The following ACOT7 variants were observed in gnomAD, a reference collection of about 807,000 sequenced individuals.
ACOT7 encodes the protein acyl-CoA thioesterase 7.
Under a neutral mutation model 40.2 loss-of-function variants are expected in ACOT7, and 12 were observed. The observed-to-expected ratio is 0.30, with a 90% CI of 0.19 to 0.48. The LOEUF (loss-of-function observed/expected upper bound fraction) is 0.48, where lower values mean the gene tolerates loss of function less well. Ranked by LOEUF, ACOT7 falls within the 20% of genes least tolerant of loss-of-function variation. The pLI is 0.99. For synonymous variants in ACOT7, 228 were observed against 219.5 expected (o/e 1.04, Z -0.34); for missense variants, 395 against 530.8 (o/e 0.74, Z 2.51).
intron 7 of ACOT7, among the ~76,000 whole-genome samples, chr1:6,283,925 G>A (rs1639426339): frequency 1.3e-5 from 2 of 152,192 alleles, no homozygotes; most frequent in African/African-American, 4.8e-5. Context: ...AGCCCAGGAG[G>A]TCGAGGTTGC....
chr1:6,382,046 G>T lies in ACOT7; in HGVS notation c.143+11211C>A, dbSNP rs528263352. ...CCAGCTACTCAGGAGGCTGAGGCAG[G>T]AGAATGGCATGAACCCGGGAGGCGG... is the stretch of plus-strand genomic sequence containing the variant. On this transcript the variant is annotated intron_variant, in intron 1 of 8. Coordinates refer to ENST00000361521, the MANE Select transcript of ACOT7 (RefSeq NM_007274.4). Among the ~76,000 whole-genome samples, 83 of 150,794 alleles carry T rather than the reference G, an allele frequency of 5.5e-4. 2 individuals carry two copies. The highest frequency in any genetic ancestry group is 1.8e-3 in the African/African-American group (73 of 41,070).
chr1:6,293,937 T>C (rs1202113530), intron 7 of ACOT7, among the ~76,000 whole-genome samples: 2 of 152,214 alleles, frequency 1.3e-5, no homozygotes, highest in African/African-American at 4.8e-5. Flanking sequence ...AAGGCTGGGC[T>C]ACCCGGGGCC....
chr1:6,331,696 C>G (rs1187767827), intron 4 of ACOT7, among the ~76,000 whole-genome samples: 1 of 152,208 alleles, frequency 6.6e-6, no homozygotes, highest in African/African-American at 2.4e-5. Context: ...GGTGCAGCCA[C>G]CAGCCTGCCC....
intron 5 of ACOT7, among the ~76,000 whole-genome samples, chr1:6,321,026 C>T (rs1414853443): frequency 6.6e-6 from 1 of 152,198 alleles, no homozygotes; most frequent in Non-Finnish European, 1.5e-5. Flanking sequence ...TACCCAGGAG[C>T]CCCTGGCCCA....
chr1:6,326,754 C>T (rs764918868), intron 5 of ACOT7, among the ~76,000 whole-genome samples: 4 of 151,884 alleles, frequency 2.6e-5, no homozygotes, highest in Non-Finnish European at 5.9e-5. Context: ...GGTGAAACCC[C>T]ATCTCTACTA....
intron 7 of ACOT7, among the ~76,000 whole-genome samples, chr1:6,285,851 T>G (rs937500840): frequency 1.3e-5 from 2 of 152,130 alleles, no homozygotes; most frequent in Non-Finnish European, 2.9e-5. Flanking sequence ...CCGCCAGGCA[T>G]GAGAAGGGCA....
At position 6,306,969 on chromosome 1, in the gene ACOT7, C is replaced by G; in HGVS notation, c.712+11523G>C. On this transcript the variant is annotated intron_variant, in intron 6 of 8. Transcript: ENST00000361521. The surrounding 1 kb of genome is among the most constrained non-coding windows in gnomAD (Gnocchi z 4.3). ...TCTTGGTGGAGGCCTCACTTGCGTC[C>G]CCTCCCATGTTTTCTCTGCCTTCCC... is the stretch of plus-strand genomic sequence containing the variant. 1.6e-6 allele frequency: 2 copies of G among 1,251,792 alleles called. No individual in the cohort carries two copies. The highest frequency in any genetic ancestry group is 2.1e-6 in the Non-Finnish European group (2 of 955,760). 77.5% of individuals were successfully genotyped at this position (1,251,792 alleles called of 1,614,324 possible).
intron 5 of ACOT7, among the ~76,000 whole-genome samples, chr1:6,320,396 C>T (rs1640612082): frequency 6.6e-6 from 1 of 152,194 alleles, no homozygotes; most frequent in Non-Finnish European, 1.5e-5. Context: ...CCCTGAAACC[C>T]TAGTGGGTCA....
intron 8 of ACOT7, among the ~76,000 whole-genome samples, chr1:6,280,050 C>T (rs1488386776): frequency 2.6e-5 from 4 of 152,238 alleles, no homozygotes; most frequent in African/African-American, 7.2e-5. Context: ...GGGGAGCAGA[C>T]GCCGCGGGGG....
At chr1:6,353,799 C>A in intron 1 of ACOT7, among the ~76,000 whole-genome samples, 1 of 152,300 alleles carries the variant, frequency 6.6e-6, no homozygotes, top group East Asian at 1.9e-4. Context: ...TATTCCTCCC[C>A]CAGCCCCCAA....
chr1:6,358,767 T>G lies in ACOT7; in HGVS notation c.144-8901A>C, dbSNP rs1269991839. On this transcript the variant is annotated intron_variant, in intron 1 of 8. Coordinates refer to ENST00000361521, the MANE Select transcript of ACOT7 (RefSeq NM_007274.4). The surrounding 1 kb of genome is among the most constrained non-coding windows in gnomAD (Gnocchi z 4.1). ...CCCACCCTTCCCTTCCAAATGTCCC[T>G]AAACAATCCACCCACAGTGGCCCCT... 1.9e-6 allele frequency: 3 copies of G among 1,560,882 alleles called. No individual in the cohort carries two copies. In the African/African-American group the frequency reaches 4.1e-5, roughly 21 times the overall value.
chr1:6,324,082 C>T (rs1403913634), intron 5 of ACOT7, among the ~76,000 whole-genome samples: 2 of 151,996 alleles, frequency 1.3e-5, no homozygotes, highest in African/African-American at 4.8e-5. Context: ...CCCCATTGAC[C>T]CGGACGCCCC....
At chr1:6,270,302 G>A (rs1638990717) in intron 8 of ACOT7, among the ~76,000 whole-genome samples, 1 of 152,244 alleles carries the variant, frequency 6.6e-6, no homozygotes, top group South Asian at 2.1e-4. Flanking sequence ...TTTAATGGAG[G>A]GTTGGGGGTG....
intron 1 of ACOT7, among the ~76,000 whole-genome samples, chr1:6,351,975 C>T (rs373905772): frequency 2.0e-5 from 3 of 152,318 alleles, no homozygotes; most frequent in African/African-American, 7.2e-5. Context: ...CGGCACTTGG[C>T]GCTGTGCCAT....
chr1:6,388,089 C>A (rs563383925), intron 1 of ACOT7, among the ~76,000 whole-genome samples: 1 of 151,594 alleles, frequency 6.6e-6, no homozygotes, highest in East Asian at 2.0e-4. Flanking sequence ...TACAGGCACC[C>A]GCCACTACGC....
intron 8 of ACOT7, among the ~76,000 whole-genome samples, chr1:6,273,004 C>G (rs978292528): frequency 6.6e-6 from 1 of 152,192 alleles, no homozygotes; most frequent in Non-Finnish European, 1.5e-5. Context: ...CTGTTGTATG[C>G]CCCCCAGGCC....
At chr1:6,326,339 C>T (rs796741053) in intron 5 of ACOT7, among the ~76,000 whole-genome samples, 3 of 152,312 alleles carry the variant, frequency 2.0e-5, no homozygotes, top group East Asian at 1.9e-4. Context: ...TCTAGGAACG[C>T]GGGGAGTTCT....
At chr1:6,331,953 G>A (rs1433428058) in intron 4 of ACOT7, among the ~76,000 whole-genome samples, 1 of 152,168 alleles carries the variant, frequency 6.6e-6, no homozygotes, top group African/African-American at 2.4e-5. Context: ...AGTGGCAGCA[G>A]GGACCGAGGC....
intron 3 of ACOT7, among the ~76,000 whole-genome samples, chr1:6,334,325 A>G (rs553457592): frequency 6.6e-6 from 1 of 152,348 alleles, no homozygotes; most frequent in East Asian, 1.9e-4. Flanking sequence ...CCACCTGTCT[A>G]AGCACTGCCA....
Sources: allele counts gnomAD v4.1 joint callset (sites outside exome capture counted in the v4.1 genomes callset), GRCh38; gene constraint gnomAD v4.1.1; non-coding constraint Gnocchi (gnomAD v3.1); transcripts MANE v1.5; gene names NCBI Gene and HGNC (gene_info 2026-07-23, HGNC 2026-07-21).